The following C11orf54 variants were observed in gnomAD, a reference collection of about 807,000 sequenced individuals.
The protein encoded by C11orf54 is beta-keto-L-gulonate decarboxylase.
A neutral mutation model predicts 35.5 loss-of-function variants in C11orf54; 29 were observed. The ratio of observed to expected loss-of-function variants is 0.82; its 90% confidence interval spans 0.61 to 1.11. C11orf54 has a LOEUF of 1.11. C11orf54 is among the 50% of genes most tolerant of loss of function. C11orf54 has a pLI of 0.00. For missense variants in C11orf54, 373 were observed against 369.2 expected (o/e 1.01, Z -0.08); for synonymous variants, 108 against 121.1 (o/e 0.89, Z 0.71).
rs1943075609 is a variant in C11orf54, at chr11:93,755,301, T to C, written c.422T>C (p.Leu141Pro). The C allele has an allele frequency of 1.2e-6, 2 of 1,614,174 alleles. No homozygotes were observed. Among genetic ancestry groups the C allele is most frequent in the Non-Finnish European group, 1.7e-6 (2 of 1,180,002 alleles). ...GTGAACCCTGCAGATGGAGGGTGCC[T>C]ACTGGAGAAATACAGTGAGAAATGT... is the stretch of plus-strand genomic sequence containing the variant. Reference protein sequence around the residue: ...AHVNPADGGCLLEKYSEKCHD... With the variant: ...AHVNPADGGCPLEKYSEKCHD... Residue 141 changes from leucine (L) to proline (P), a missense_variant, in exon 6 of 9, where the codon CTA becomes CCA. Physicochemically the swap from Leu to Pro is moderately conservative, Grantham distance 98. Coordinates refer to ENST00000354421, the MANE Select transcript of C11orf54 (RefSeq NM_001286069.2).
Position 93,755,256 on chromosome 11 carries a change from A to T in C11orf54, c.377A>T (p.Asn126Ile). ...GAAAGTGAACACAAGCCTCCTGTAA[A>T]TGGAAGTTACTTTGCCCATGTGAAC... ...QTESEHKPPV[N>I]GSYFAHVNPA... Residue 126 changes from asparagine (N) to isoleucine (I), a missense_variant, in exon 6 of 9, where the codon AAT becomes ATT. Transcript: ENST00000354421. 1 of 1,614,134 alleles carries T rather than the reference A, an allele frequency of 6.2e-7. No individual in the cohort carries two copies. The highest frequency in any genetic ancestry group is 8.5e-7 in the Non-Finnish European group (1 of 1,180,014).
intron 1 of C11orf54, among the ~76,000 whole-genome samples, chr11:93,744,299 T>G (rs1942322719): frequency 6.6e-6 from 1 of 152,192 alleles, no homozygotes; most frequent in Non-Finnish European, 1.5e-5. Flanking sequence ...AGCTACATCC[T>G]CCCAAGATTG....
intron 2 of C11orf54, 115 bp from the exon 3 acceptor site, chr11:93,750,230 CT>C: frequency 1.4e-6 from 1 of 703,018 alleles, no homozygotes; most frequent in South Asian, 1.9e-5. Flanking sequence ...TTTCCCCCTT[CT>C]TTTTTATTAT....
chr11:93,750,310 C>G (rs1942746851), intron 2 of C11orf54, 36 bp from the exon 3 acceptor site: 11 of 1,575,098 alleles, frequency 7.0e-6, no homozygotes, highest in African/African-American at 1.4e-5. Context: ...AAGTTTTTAC[C>G]TAATGTTAAA....
chr11:93,745,425 C>G (rs934435375), intron 1 of C11orf54, among the ~76,000 whole-genome samples: 1 of 152,206 alleles, frequency 6.6e-6, no homozygotes, highest in Non-Finnish European at 1.5e-5. Flanking sequence ...ACCAAGCATA[C>G]AGTCTGCAAA....
intron 5 of C11orf54, 156 bp from the exon 6 acceptor site, chr11:93,755,053 GT>G: frequency 1.2e-6 from 1 of 854,956 alleles, no homozygotes; most frequent in Non-Finnish European, 1.7e-6. Context: ...TGTTTTCCAA[GT>G]TTTTTATGTC....
intron 8 of C11orf54, 37 bp from the exon 9 acceptor site, chr11:93,761,478 A>G (rs756432741): frequency 6.5e-7 from 1 of 1,530,344 alleles, no homozygotes; most frequent in Non-Finnish European, 8.8e-7. Flanking sequence ...CTAATCAATA[A>G]TTTGAGTACT....
At position 93,755,196 on chromosome 11, in the gene C11orf54, C is replaced by T. The variant is rs199773242; in HGVS notation, c.331-14C>T. 4.3e-6 allele frequency: 7 copies of T among 1,611,860 alleles called. No individual in the cohort carries two copies. The highest frequency in any genetic ancestry group is 4.0e-5 in the African/African-American group (3 of 74,994). On this transcript the variant is annotated splice_polypyrimidine_tract_variant and intron_variant, in intron 5 of 8. Coordinates refer to ENST00000354421, the MANE Select transcript of C11orf54 (RefSeq NM_001286069.2). ...AGATACAAAGATTGACTAATTGCCTCACTTTCTTTTCAGTTTATGCCAGTT... is the reference window on the plus strand; with the variant it reads ...AGATACAAAGATTGACTAATTGCCTTACTTTCTTTTCAGTTTATGCCAGTT...
chr11:93,764,150 G>A lies in C11orf54; in HGVS notation c.*2462G>A, dbSNP rs147482748. 4.6e-3 allele frequency: 703 copies of A among 152,282 alleles called. 5 individuals are homozygous for A. The highest frequency in any genetic ancestry group is 7.7e-3 in the Non-Finnish European group (524 of 68,038). 9.4% of individuals were successfully genotyped at this position (152,282 alleles called of 1,614,324 possible). ...TTTCTTAGCTTGCCAGAGGTGTAGG[G>A]CATAAGGGGACGAGGGGTGGGATAA... On this transcript the variant is annotated 3_prime_UTR_variant, in exon 9 of 9. Coordinates refer to ENST00000354421, the MANE Select transcript of C11orf54 (RefSeq NM_001286069.2).
chr11:93,754,059 A>G (rs1942993855), intron 5 of C11orf54, 22 bp downstream of exon 5: 1 of 1,582,430 alleles, frequency 6.3e-7, no homozygotes, highest in African/African-American at 1.4e-5. Flanking sequence ...TAAGAAAATT[A>G]TTTTACTTTA....
At position 93,747,316 on chromosome 11, in the gene C11orf54, T is replaced by C. The variant is rs1355159716; in HGVS notation, c.-78T>C. On this transcript the variant is annotated 5_prime_UTR_variant, in exon 2 of 9. Transcript: ENST00000354421. ...TTCCAGAACAGAAACTGTTCATACT[T>C]GGTGCGCTGTGGACTCTTGTGATAA... The C allele has an allele frequency of 3.9e-5, 43 of 1,098,608 alleles. 2 individuals are homozygous for C. The South Asian group carries it at 6.7e-4, about 17-fold the overall frequency. 68.1% of individuals were successfully genotyped at this position (1,098,608 alleles called of 1,614,324 possible).
At chr11:93,756,181 A>AAAAAG (rs1943141767) in intron 6 of C11orf54, among the ~76,000 whole-genome samples, 1 of 149,412 alleles carries the variant, frequency 6.7e-6, no homozygotes, top group Non-Finnish European at 1.5e-5. Flanking sequence ...AAAAAAAAAA[A>AAAAAG]AAAAAAAAAG....
Position 93,747,381 on chromosome 11 carries a change from A to G in C11orf54, c.-13A>G. On this transcript the variant is annotated 5_prime_UTR_variant, in exon 2 of 9. Transcript: ENST00000354421. The stretch of plus-strand genomic sequence containing the variant: ...CTCTATTTGTCCAACCTCACACCTA[A>G]AGAAGAAAGAAAATGGCTTGTGCTG... The G allele has an allele frequency of 1.9e-6, 3 of 1,593,646 alleles. No homozygotes were observed.
At chr11:93,750,938 T>A (rs602203) in intron 3 of C11orf54, among the ~76,000 whole-genome samples, 19,851 of 152,032 alleles carry the variant, frequency 0.13, 1,662 homozygotes, top group East Asian at 0.38. Context: ...TGATAGATAG[T>A]TAGTTGATGT....
chr11:93,755,147 TTA>T, intron 5 of C11orf54, 61 bp from the exon 6 acceptor site: 1 of 1,492,306 alleles, frequency 6.7e-7, no homozygotes, highest in Non-Finnish European at 9.2e-7. Flanking sequence ...TTTTGTAACA[TTA>T]TTCAAGATAT....
intron 5 of C11orf54, 39 bp from the exon 6 acceptor site, chr11:93,755,171 A>G: frequency 6.4e-7 from 1 of 1,573,424 alleles, no homozygotes; most frequent in Non-Finnish European, 8.7e-7. Flanking sequence ...CTCTTTGCAG[A>G]GATACAAAGA....
At chr11:93,746,717 C>T (rs540812152) in intron 1 of C11orf54, 23 of 152,018 alleles carry the variant, frequency 1.5e-4, no homozygotes, top group Admixed American at 1.0e-3. Flanking sequence ...CATTTCTATT[C>T]GTAATTTAAA....
intron 8 of C11orf54, among the ~76,000 whole-genome samples, chr11:93,760,353 A>T (rs1943390457): frequency 6.6e-6 from 1 of 152,230 alleles, no homozygotes; most frequent in Non-Finnish European, 1.5e-5. Flanking sequence ...ACCTTTGAGA[A>T]AATGAAGGCA....
intron 8 of C11orf54, 123 bp downstream of exon 8, chr11:93,759,981 T>G: frequency 1.6e-6 from 1 of 619,894 alleles, no homozygotes; most frequent in Admixed American, 2.6e-5. Context: ...AGTTTCACTC[T>G]TGTTGCCCAG....
Sources: gnomAD v4.1 joint callset for allele counts (sites outside exome capture counted in the v4.1 genomes callset) on GRCh38, gnomAD v4.1.1 for gene constraint, MANE v1.5 for transcripts, NCBI Gene and HGNC (gene_info 2026-07-23, HGNC 2026-07-21) for gene names.